Variants in DOCK1 observed in about 807,000 individuals in gnomAD.
DOCK1 encodes the protein dedicator of cytokinesis 1.
In DOCK1, 138 loss-of-function variants were observed where a neutral mutation model predicts 262.7. That is an observed-to-expected ratio of 0.53 (90% CI 0.46 to 0.61). The LOEUF (loss-of-function observed/expected upper bound fraction) is 0.61. DOCK1 is among the 20% of genes least tolerant of loss of function. DOCK1 has a pLI of 0.00. For missense variants in DOCK1, 1,908 were observed against 2,370.7 expected (o/e 0.80, Z 4.05); for synonymous variants, 866 against 867.4 (o/e 1.00, Z 0.03).
chr10:127,208,385 A>C (rs572351058), intron 27 of DOCK1, among the ~76,000 whole-genome samples: 1 of 152,314 alleles, frequency 6.6e-6, no homozygotes, highest in South Asian at 2.1e-4. Context: ...TATTTCATGC[A>C]ACCCAATGGA....
intron 19 of DOCK1, among the ~76,000 whole-genome samples, 155 bp downstream of exon 19, chr10:127,037,971 C>T (rs11018254): frequency 0.046 from 6,905 of 151,518 alleles, 214 homozygotes; most frequent in Non-Finnish European, 0.068. Flanking sequence ...CGGTGGCTTA[C>T]GCCTGTAATC....
At chr10:127,408,238 C>T (rs1469298678) in intron 40 of DOCK1, among the ~76,000 whole-genome samples, 2 of 152,172 alleles carry the variant, frequency 1.3e-5, no homozygotes. Flanking sequence ...TCTATAACAA[C>T]CCCAGTGGAC....
At chr10:127,216,436 G>T (rs1261552008) in intron 27 of DOCK1, among the ~76,000 whole-genome samples, 1 of 152,180 alleles carries the variant, frequency 6.6e-6, no homozygotes, top group Non-Finnish European at 1.5e-5. Context: ...CTATTGCTGG[G>T]AAGACCACTC....
intron 29 of DOCK1, among the ~76,000 whole-genome samples, chr10:127,296,110 G>T (rs2135399896): frequency 6.6e-6 from 1 of 152,226 alleles, no homozygotes; most frequent in Non-Finnish European, 1.5e-5. Flanking sequence ...TATAATTTCT[G>T]AGGCCTCTTC....
In DOCK1 at chr10:127,127,741, A is replaced by C; in HGVS notation, c.2824A>C (p.Met942Leu). 1 of 1,613,172 alleles carries C rather than the reference A, an allele frequency of 6.2e-7. No individual in the cohort carries two copies. The highest frequency in any genetic ancestry group is 8.5e-7 in the Non-Finnish European group (1 of 1,179,258). Residue 942 changes from methionine to leucine, a missense_variant, in exon 27 of 52, where the codon ATG becomes CTG. Coordinates refer to ENST00000623213, the MANE Select transcript of DOCK1 (RefSeq NM_001290223.2). ...LRTVNRTVIS[M>L]GRDSELIGNF... ...GACCGTGAACCGAACCGTCATTTCC[A>C]TGGGACGAGATTCTGAACTCATTGT...
chr10:127,360,086 C>A (rs1416812199), intron 32 of DOCK1, among the ~76,000 whole-genome samples: 1 of 152,210 alleles, frequency 6.6e-6, no homozygotes, highest in African/African-American at 2.4e-5. Flanking sequence ...TAGGACCTGC[C>A]TCTGAGTTTC....
chr10:127,409,320 G>A lies in DOCK1; in HGVS notation c.4272G>A (p.Gln1424=), dbSNP rs762086660. 3 of 1,613,732 alleles carry A rather than the reference G, an allele frequency of 1.9e-6. No individual in the cohort carries two copies. In the African/African-American group the frequency reaches 4.0e-5, roughly 22 times the overall value. ...DIKNSPGQYI[Q]CFTVKPKLDL... The stretch of plus-strand genomic sequence containing the variant: ...TTAACCCCCTCACCTCAGATATTCA[G>A]TGCTTCACAGTGAAGCCCAAACTCG... The change falls in exon 42 of 52, where the codon CAG becomes CAA. Residue 1424 remains glutamine (Q), a synonymous_variant. Coordinates refer to ENST00000623213, the MANE Select transcript of DOCK1 (RefSeq NM_001290223.2).
intron 27 of DOCK1, among the ~76,000 whole-genome samples, chr10:127,244,425 G>A (rs1475364841): frequency 6.6e-6 from 1 of 152,144 alleles, no homozygotes; most frequent in Non-Finnish European, 1.5e-5. Context: ...AATTACTTAG[G>A]AGATGAGTAT....
At chr10:127,004,248 A>C (rs2040820565) in intron 10 of DOCK1, among the ~76,000 whole-genome samples, 1 of 73,616 alleles carries the variant, frequency 1.4e-5, no homozygotes, top group South Asian at 4.0e-4. Flanking sequence ...TCAAAAAAAA[A>C]AAGAAAAGAA....
At chr10:127,254,586 T>C (rs1175171073) in intron 28 of DOCK1, among the ~76,000 whole-genome samples, 1 of 152,208 alleles carries the variant, frequency 6.6e-6, no homozygotes, top group African/African-American at 2.4e-5. Context: ...ATTGTGAAAG[T>C]ATGTACCTCT....
At chr10:126,981,367 CCGACCAGCTTAT>C (rs2038964066) in intron 3 of DOCK1, among the ~76,000 whole-genome samples, 1 of 152,204 alleles carries the variant, frequency 6.6e-6, no homozygotes, top group African/African-American at 2.4e-5. Context: ...TTGAGGGAGG[CCGACCAGCTTAT>C]CAGCGGAAGC....
intron 29 of DOCK1, among the ~76,000 whole-genome samples, chr10:127,262,118 G>A (rs181839945): frequency 3.6e-4 from 52 of 143,776 alleles, no homozygotes; most frequent in African/African-American, 1.3e-3. Context: ...GCATGTGGGT[G>A]TGTGTGTGTG....
intron 27 of DOCK1, among the ~76,000 whole-genome samples, chr10:127,173,349 T>C (rs1156940112): frequency 1.3e-5 from 2 of 152,158 alleles, no homozygotes; most frequent in Non-Finnish European, 2.9e-5. Flanking sequence ...CCCAGACATG[T>C]CTTAGTAAAC....
At chr10:127,141,817 T>G (rs1221911540) in intron 27 of DOCK1, among the ~76,000 whole-genome samples, 1 of 152,228 alleles carries the variant, frequency 6.6e-6, no homozygotes, top group Non-Finnish European at 1.5e-5. Context: ...CAAATAGGGC[T>G]CTGCCTGGAG....
At chr10:127,242,744 A>G (rs1761396023) in intron 27 of DOCK1, among the ~76,000 whole-genome samples, 1 of 152,080 alleles carries the variant, frequency 6.6e-6, no homozygotes, top group Non-Finnish European at 1.5e-5. Flanking sequence ...ATTTTCATTA[A>G]TATATTTGAA....
chr10:127,278,417 G>GA (rs1401068229), intron 29 of DOCK1, among the ~76,000 whole-genome samples: 41 of 152,028 alleles, frequency 2.7e-4, no homozygotes, highest in African/African-American at 8.9e-4. Flanking sequence ...GATCTGAGGG[G>GA]AAAAAAATAA....
rs61753108 is a variant in DOCK1, at chr10:127,000,231, C to A, written c.909C>A (p.Arg303=). The change falls in exon 10 of 52, where the codon CGC becomes CGA. Residue 303 remains arginine (R), a synonymous_variant. Coordinates refer to ENST00000623213, the MANE Select transcript of DOCK1 (RefSeq NM_001290223.2). The stretch of plus-strand genomic sequence containing the variant: ...TCAGTTTTGTCTGTCAGATTGTTCG[C>A]GTGGGTCGCATGGAGCTGAGGGACA... ...EKISFVCQIV[R]VGRMELRDNN... is the part of the protein sequence containing the mutation. 194 of 1,613,928 alleles carry A rather than the reference C, an allele frequency of 1.2e-4. 1 individual carries two copies. In the Middle Eastern group the frequency reaches 2.8e-3, roughly 23 times the overall value.
intron 23 of DOCK1, among the ~76,000 whole-genome samples, chr10:127,063,679 A>G (rs75665318): frequency 0.017 from 2,589 of 152,284 alleles, 78 homozygotes; most frequent in African/African-American, 0.059. Context: ...GTGTAGTGTA[A>G]GAATAGATAA....
intron 18 of DOCK1, 23 bp from the exon 19 acceptor site, chr10:127,037,693 ATCT>A: frequency 6.4e-7 from 1 of 1,551,182 alleles, no homozygotes; most frequent in Non-Finnish European, 8.7e-7. Context: ...GCTTGTGAAG[ATCT>A]GATTGTCATT....
Sources: gnomAD v4.1 joint callset for allele counts (sites outside exome capture counted in the v4.1 genomes callset) on GRCh38, gnomAD v4.1.1 for gene constraint, MANE v1.5 for transcripts, NCBI Gene and HGNC (gene_info 2026-07-23, HGNC 2026-07-21) for gene names.